SYTL2: variants seen among roughly 807,000 people sequenced by gnomAD.
The protein encoded by SYTL2 is synaptotagmin like 2.
Under a neutral mutation model 198.7 loss-of-function variants are expected in SYTL2, and 165 were observed. The ratio of observed to expected loss-of-function variants is 0.83; its 90% confidence interval spans 0.73 to 0.94. The LOEUF (loss-of-function observed/expected upper bound fraction) is 0.94, where lower values mean the gene tolerates loss of function less well. Among genes scored for constraint, SYTL2 ranks in the 40% least tolerant of loss-of-function variants. The pLI is 0.00. For synonymous variants in SYTL2, 966 were observed against 917.7 expected (o/e 1.05, Z -0.95); for missense variants, 2,835 against 2,582.8 (o/e 1.10, Z -2.12).
intron 1 of SYTL2, among the ~76,000 whole-genome samples, chr11:85,795,026 T>G (rs2092782325): frequency 1.3e-5 from 2 of 152,024 alleles, no homozygotes; most frequent in African/African-American, 4.8e-5. Flanking sequence ...GCCCACTGTG[T>G]GGCCTTGGGC....
chr11:85,755,580 T>C (rs1565989676), intron 2 of SYTL2, among the ~76,000 whole-genome samples: 1 of 152,190 alleles, frequency 6.6e-6, no homozygotes, highest in African/African-American at 2.4e-5. Flanking sequence ...AAGTTGTAGA[T>C]TGGCTGATGC....
the SYTL2 span, chr11:85,853,419 G>C: frequency 4.9e-6 from 2 of 407,858 alleles, no homozygotes; most frequent in Admixed American, 3.0e-5. Flanking sequence ...AATGGATTAA[G>C]GGCGGTGCAA....
chr11:85,790,578 C>T (rs1279652755), intron 1 of SYTL2, among the ~76,000 whole-genome samples: 1 of 152,194 alleles, frequency 6.6e-6, no homozygotes, highest in Admixed American at 6.5e-5. Context: ...ATGTGCCCAA[C>T]CCTGTGCCTT....
At chr11:85,828,062 C>T in the SYTL2 span, among the ~76,000 whole-genome samples, 8 of 152,060 alleles carry the variant, frequency 5.3e-5, no homozygotes, top group South Asian at 2.1e-4. Flanking sequence ...GTAGTGACTA[C>T]GTTTGGCATT....
intron 1 of SYTL2, among the ~76,000 whole-genome samples, chr11:85,789,360 A>G (rs185090758): frequency 0.025 from 1,575 of 61,912 alleles, 39 homozygotes; most frequent in Admixed American, 0.035. Flanking sequence ...ATATATATAT[A>G]TATATATATA....
At chr11:85,703,288 T>G (rs2084629423) in intron 16 of SYTL2, among the ~76,000 whole-genome samples, 1 of 152,126 alleles carries the variant, frequency 6.6e-6, no homozygotes, top group African/African-American at 2.4e-5. Flanking sequence ...TTCAAGCAGC[T>G]CACTGAACCC....
At position 85,725,839 on chromosome 11, in the gene SYTL2, T is replaced by C. The variant is rs1022726807; in HGVS notation, c.3519A>G (p.Gln1173=). ...PSVSENRTWP[Q]KTDFADTEEE... Reference sequence around the variant, plus strand: ...CCTCAGTATCAGCAAAATCTGTTTTTTGAGGCCATGTCCTATTTTCAGAAA... The same window carrying C: ...CCTCAGTATCAGCAAAATCTGTTTTCTGAGGCCATGTCCTATTTTCAGAAA... Residue 1173 remains glutamine (Q), a synonymous_variant, in exon 8 of 20, where the codon CAA becomes CAG. Transcript: ENST00000359152. 6.2e-7 allele frequency: 1 copy of C among 1,613,920 alleles called. No individual in the cohort carries two copies. Among genetic ancestry groups the C allele is most frequent in the Non-Finnish European group, 8.5e-7 (1 of 1,179,978 alleles).
intron 1 of SYTL2, among the ~76,000 whole-genome samples, chr11:85,772,392 A>G (rs1001384810): frequency 1.3e-5 from 2 of 152,230 alleles, no homozygotes; most frequent in African/African-American, 2.4e-5. Context: ...CTCCCATTGA[A>G]TAAGTCTTAA....
rs765141614 is a variant in SYTL2 at position 85,734,487 on chromosome 11, C to G, written c.842G>C (p.Ser281Thr). ...ACGAAGGGTTTCTGAGTCTGTGCTA[C>G]TGGAACTGGAGTTGCGCTTGAGGAT... ...RGILKRNSSS[S>T]STDSETLRYN... Residue 281 changes from serine to threonine, a missense_variant, in exon 7 of 20, where the codon AGT becomes ACT. Around this residue, in one of 3 missense-constraint regions of SYTL2, gnomAD observed 2,645 missense variants for 2,381.7 expected, o/e 1.11. Coordinates refer to ENST00000359152, the MANE Select transcript of SYTL2 (RefSeq NM_206927.4). 3.1e-6 allele frequency: 5 copies of G among 1,614,230 alleles called. No homozygotes were observed. The highest frequency in any genetic ancestry group is 4.2e-6 in the Non-Finnish European group (5 of 1,180,030).
intron 17 of SYTL2, among the ~76,000 whole-genome samples, chr11:85,699,124 A>G (rs2083865129): frequency 6.6e-6 from 1 of 152,262 alleles, no homozygotes; most frequent in African/African-American, 2.4e-5. Context: ...AAATGTTTAT[A>G]GTTATGTTGG....
chr11:85,762,517 T>C (rs1385958913), intron 1 of SYTL2, among the ~76,000 whole-genome samples: 2 of 152,176 alleles, frequency 1.3e-5, no homozygotes, highest in East Asian at 1.9e-4. Flanking sequence ...CACTGACCAT[T>C]GACTAAAACT....
chr11:85,722,438 T>G (rs953561633), intron 8 of SYTL2, among the ~76,000 whole-genome samples: 1 of 152,112 alleles, frequency 6.6e-6, no homozygotes, highest in Non-Finnish European at 1.5e-5. Context: ...CCTCCCAAAG[T>G]GCTGGGATTA....
intron 3 of SYTL2, among the ~76,000 whole-genome samples, chr11:85,746,467 G>C (rs1316628624): frequency 6.6e-6 from 1 of 152,220 alleles, no homozygotes; most frequent in Non-Finnish European, 1.5e-5. Flanking sequence ...ACTGTGCTGA[G>C]TTCTTTGCAT....
At position 85,725,178 on chromosome 11, in the gene SYTL2, C is replaced by T. The variant is rs368146674; in HGVS notation, c.4180G>A (p.Gly1394Arg). The T allele has an allele frequency of 6.2e-7, 1 of 1,614,138 alleles. No homozygotes were observed. Residue 1394 changes from glycine to arginine, a missense_variant, in exon 8 of 20, where the codon GGA (glycine) becomes AGA (arginine). By Grantham distance (125) the Gly-to-Arg change is moderately radical. Around this residue, in one of 3 missense-constraint regions of SYTL2, gnomAD observed 2,645 missense variants for 2,381.7 expected, o/e 1.11. Coordinates refer to ENST00000359152, the MANE Select transcript of SYTL2 (RefSeq NM_206927.4). ...TCAGGAAATTCTGGGTTCACTTCTCCAGGACCTACTTCCCTTCCAGCTGGA... is the reference window on the plus strand; with the variant it reads ...TCAGGAAATTCTGGGTTCACTTCTCTAGGACCTACTTCCCTTCCAGCTGGA... ...SYPAGREVGP[G>R]EVNPEFPEAV...
At chr11:85,754,557 GTTTTGATATACATA>G (rs2091746278) in intron 2 of SYTL2, among the ~76,000 whole-genome samples, 1 of 152,142 alleles carries the variant, frequency 6.6e-6, no homozygotes, top group South Asian at 2.1e-4. Flanking sequence ...AAACAGTGAT[GTTTTGATATACATA>G]ACATATAGTC....
chr11:85,847,838 G>A, the SYTL2 span, among the ~76,000 whole-genome samples: 1 of 152,110 alleles, frequency 6.6e-6, no homozygotes, highest in Admixed American at 6.5e-5. Flanking sequence ...TGAGCTTGAG[G>A]AATTATTTAT....
intron 14 of SYTL2, among the ~76,000 whole-genome samples, chr11:85,708,678 G>A (rs2085652538): frequency 6.6e-6 from 1 of 151,836 alleles, no homozygotes; most frequent in African/African-American, 2.4e-5. Context: ...GGAAAGAGAT[G>A]GGTTCAGGTC....
chr11:85,744,463 G>C (rs966444918), intron 4 of SYTL2, among the ~76,000 whole-genome samples: 1 of 152,140 alleles, frequency 6.6e-6, no homozygotes, highest in African/African-American at 2.4e-5. Context: ...GGGAAACAGT[G>C]CAGCCTGCCA....
chr11:85,780,318 C>T (rs1424397275), intron 1 of SYTL2, among the ~76,000 whole-genome samples: 1 of 152,158 alleles, frequency 6.6e-6, no homozygotes, highest in East Asian at 1.9e-4. Context: ...CTCCTAAAAC[C>T]CTTGGAATCT....
Sources: gnomAD v4.1 joint callset for allele counts (sites outside exome capture counted in the v4.1 genomes callset) on GRCh38, gnomAD v4.1.1 for gene constraint, gnomAD v4.1.1 regional missense constraint, MANE v1.5 for transcripts, NCBI Gene and HGNC (gene_info 2026-07-23, HGNC 2026-07-21) for gene names.